ZNF514: variants seen among roughly 807,000 people sequenced by gnomAD.
The protein encoded by ZNF514 is zinc finger protein 514.
Under a neutral mutation model 9.7 loss-of-function variants are expected in ZNF514, and 12 were observed. The ratio of observed to expected loss-of-function variants is 1.24; its 90% confidence interval spans 0.79 to 2.01. ZNF514 has a LOEUF of 2.01. Ranked by LOEUF, ZNF514 falls within the 30% of genes most tolerant of loss-of-function variation. The pLI is 0.00. For missense variants in ZNF514, 467 were observed against 465.5 expected (o/e 1.00, Z -0.03); for synonymous variants, 158 against 163.7 (o/e 0.97, Z 0.27).
At chr2:95,135,718 G>C in the ZNF514 span, among the ~76,000 whole-genome samples, 1 of 151,762 alleles carries the variant, frequency 6.6e-6, no homozygotes, top group Non-Finnish European at 1.5e-5. Flanking sequence ...CATCACGTCT[G>C]GTCTGGAATT....
At chr2:95,132,144 CAAAAAAAAAA>C in the ZNF514 span, among the ~76,000 whole-genome samples, 3 of 16,624 alleles carry the variant, frequency 1.8e-4, no homozygotes, top group South Asian at 2.1e-3. Flanking sequence ...GACTCTGTCT[CAAAAAAAAAA>C]AAAAAAAAAA....
At chr2:95,141,954 C>T (rs1420170097), downstream of ZNF514, among the ~76,000 whole-genome samples, 1 of 152,116 alleles carries the variant, frequency 6.6e-6, no homozygotes, top group Admixed American at 6.6e-5. Flanking sequence ...AGCCTCTGCC[C>T]AAGATATCAG....
downstream of ZNF514, among the ~76,000 whole-genome samples, chr2:95,142,892 T>C (rs1191528934): frequency 6.6e-6 from 1 of 152,362 alleles, no homozygotes; most frequent in East Asian, 1.9e-4. Context: ...CTCAACTTAC[T>C]GGCACAAGTT....
Position 95,153,227 on chromosome 2 carries a change from T to C in ZNF514, c.27A>G (p.Glu9=). MTFEDVAV[E]FSQWEWGQLN... is the part of the protein sequence containing the mutation. ...GCTGCCCCCACTCCCACTGGCTGAATTCCACAGCCACATCTTCAAATGTCA... is the reference window on the plus strand; with the variant it reads ...GCTGCCCCCACTCCCACTGGCTGAACTCCACAGCCACATCTTCAAATGTCA... Residue 9 remains glutamate, a synonymous_variant, in exon 3 of 5, where the codon GAA becomes GAG. Transcript: ENST00000295208. 6.2e-7 allele frequency: 1 copy of C among 1,614,028 alleles called. No homozygotes were observed. The highest frequency in any genetic ancestry group is 8.5e-7 in the Non-Finnish European group (1 of 1,179,918).
Position 95,149,953 on chromosome 2 carries a change from A to C in ZNF514, c.532T>G (p.Ser178Ala). The change falls in exon 5 of 5, where the codon TCT becomes GCT. Residue 178 changes from serine to alanine, a missense_variant. Ser to Ala is a moderately conservative substitution (Grantham distance 99). Transcript: ENST00000295208. ...CTGAATTCTGTATCACATTTATAAGATCCTTCTCCCATGAGAATGCTGTGT... is the reference window on the plus strand; with the variant it reads ...CTGAATTCTGTATCACATTTATAAGCTCCTTCTCCCATGAGAATGCTGTGT... ...NQHSILMGEG[S>A]YKCDTEFRQT... The C allele has an allele frequency of 6.2e-7, 1 of 1,614,204 alleles. No homozygotes were observed. The highest frequency in any genetic ancestry group is 8.5e-7 in the Non-Finnish European group (1 of 1,180,048).
downstream of ZNF514, among the ~76,000 whole-genome samples, chr2:95,141,156 A>G (rs1676822797): frequency 6.6e-6 from 1 of 152,100 alleles, no homozygotes; most frequent in Non-Finnish European, 1.5e-5. Flanking sequence ...CATGTAACCA[A>G]ATACCACCTG....
At chr2:95,130,009 G>A in the ZNF514 span, among the ~76,000 whole-genome samples, 2 of 152,164 alleles carry the variant, frequency 1.3e-5, no homozygotes, top group Non-Finnish European at 2.9e-5. Flanking sequence ...TGTGGTTTTG[G>A]AGGAGGATAT....
chr2:95,128,950 T>C, the ZNF514 span, among the ~76,000 whole-genome samples: 2 of 152,240 alleles, frequency 1.3e-5, no homozygotes, highest in African/African-American at 2.4e-5. Flanking sequence ...ATAAATCCAC[T>C]CTATCATTCT....
rs145283605 is a variant in ZNF514 at position 95,149,792 on chromosome 2, C to T, written c.693G>A (p.Pro231=). 185 of 1,614,148 alleles carry T rather than the reference C, an allele frequency of 1.1e-4. 1 individual carries two copies. The highest frequency in any genetic ancestry group is 4.9e-4 in the Middle Eastern group (3 of 6,062). Residue 231 remains proline, a synonymous_variant, in exon 5 of 5, where the codon CCG becomes CCA. Transcript: ENST00000295208. ...RHQRCHTGEK[P]YECSDCGRAF... ...CTCTTCCACAGTCACTGCATTCATACGGCTTTTCTCCAGTGTGACATCGCT... is the reference window on the plus strand; with the variant it reads ...CTCTTCCACAGTCACTGCATTCATATGGCTTTTCTCCAGTGTGACATCGCT...
the ZNF514 span, among the ~76,000 whole-genome samples, chr2:95,139,923 C>A: frequency 6.6e-6 from 1 of 151,930 alleles, no homozygotes; most frequent in African/African-American, 2.4e-5. Flanking sequence ...AAGATCTGGT[C>A]ATTTAAAAGT....
chr2:95,146,027 G>A lies in ZNF514; in HGVS notation c.*3255C>T, dbSNP rs902841838. On this transcript the variant is annotated 3_prime_UTR_variant, in exon 5 of 5. Coordinates refer to ENST00000295208, the MANE Select transcript of ZNF514 (RefSeq NM_032788.3). ...TTATCAGACTTAAATCTATTTTGGCGTAAAACACTTTGATTTCTCTCAGGA... is the reference window on the plus strand; with the variant it reads ...TTATCAGACTTAAATCTATTTTGGCATAAAACACTTTGATTTCTCTCAGGA... Among the ~76,000 whole-genome samples the A allele has an allele frequency of 3.3e-5, 5 of 152,158 alleles. No individual in the cohort carries two copies. The highest frequency in any genetic ancestry group is 2.0e-4 in the Admixed American group (3 of 15,270).
At chr2:95,144,917 A>G (rs1260981952), downstream of ZNF514, among the ~76,000 whole-genome samples, 2 of 152,166 alleles carry the variant, frequency 1.3e-5, no homozygotes, top group African/African-American at 4.8e-5. Context: ...AACCACACAC[A>G]CACACACACC....
At chr2:95,134,604 A>G in the ZNF514 span, among the ~76,000 whole-genome samples, 1 of 152,200 alleles carries the variant, frequency 6.6e-6, no homozygotes, top group Non-Finnish European at 1.5e-5. Flanking sequence ...AAGAAACCCC[A>G]TACCCTTTAG....
the ZNF514 span, among the ~76,000 whole-genome samples, chr2:95,128,689 AGAG>A: frequency 2.2e-4 from 33 of 150,506 alleles, no homozygotes; most frequent in South Asian, 1.7e-3. Context: ...AGAAGGAGGA[AGAG>A]GAGGAGGAGG....
At chr2:95,143,848 G>T (rs1351814254), downstream of ZNF514, among the ~76,000 whole-genome samples, 3 of 152,180 alleles carry the variant, frequency 2.0e-5, no homozygotes, top group Admixed American at 6.5e-5. Context: ...TTGGCTGAAG[G>T]CAGCCTTGTA....
chr2:95,123,857 T>G, the ZNF514 span, among the ~76,000 whole-genome samples: 4 of 152,240 alleles, frequency 2.6e-5, no homozygotes, highest in East Asian at 7.7e-4. Flanking sequence ...TTTTGATTAC[T>G]TAGTCGTTTG....
chr2:95,152,178 G>A (rs1335124191), intron 4 of ZNF514, among the ~76,000 whole-genome samples: 1 of 152,230 alleles, frequency 6.6e-6, no homozygotes, highest in Non-Finnish European at 1.5e-5. Flanking sequence ...GTTAACAGCT[G>A]TCAAGGAGTA....
At chr2:95,143,082 A>G (rs1013744512), downstream of ZNF514, among the ~76,000 whole-genome samples, 13 of 152,226 alleles carry the variant, frequency 8.5e-5, no homozygotes, top group African/African-American at 2.9e-4. Context: ...CTCTTATCAG[A>G]TGATTGCCAT....
intron 4 of ZNF514, among the ~76,000 whole-genome samples, chr2:95,151,440 A>G (rs1673541745): frequency 5.9e-5 from 9 of 152,206 alleles, no homozygotes; most frequent in Admixed American, 5.9e-4. Context: ...TTCTGCCAAC[A>G]ACCCAAATGA....
Sources: gnomAD v4.1 joint callset for allele counts (sites outside exome capture counted in the v4.1 genomes callset) on GRCh38, gnomAD v4.1.1 for gene constraint, MANE v1.5 for transcripts, NCBI Gene and HGNC (gene_info 2026-07-23, HGNC 2026-07-21) for gene names.